The following PCDHAC2 variants were observed in gnomAD, a reference collection of about 807,000 sequenced individuals.
The protein encoded by PCDHAC2 is protocadherin alpha subfamily C, 2.
A neutral mutation model predicts 63.3 loss-of-function variants in PCDHAC2; 24 were observed. That is an observed-to-expected ratio of 0.38 (90% CI 0.27 to 0.53). The LOEUF (loss-of-function observed/expected upper bound fraction) is 0.53, where lower values mean the gene tolerates loss of function less well. Ranked by LOEUF, PCDHAC2 falls within the 20% of genes least tolerant of loss-of-function variation. The pLI is 0.81. For synonymous variants in PCDHAC2, 569 were observed against 529.4 expected (o/e 1.07, Z -1.03); for missense variants, 1,181 against 1,275.2 (o/e 0.93, Z 1.12).
Position 140,967,201 on chromosome 5 carries a change from A to T in PCDHAC2, c.435A>T (p.Ser145=). The T allele has an allele frequency of 6.2e-7, 1 of 1,613,620 alleles. No individual in the cohort carries two copies. The highest frequency in any genetic ancestry group is 8.5e-7 in the Non-Finnish European group (1 of 1,179,830). ...EVEILDINDN[S]PRFPRPNYQL... The stretch of plus-strand genomic sequence containing the variant: ...AAATATTGGACATCAACGACAACTC[A>T]CCGCGTTTCCCGCGGCCCAACTACC... The change falls in exon 1 of 4, where the codon TCA becomes TCT. Residue 145 remains serine (S), a synonymous_variant. Coordinates refer to ENST00000289269, the MANE Select transcript of PCDHAC2 (RefSeq NM_018899.6).
chr5:141,002,218 A>T (rs782352324), intron 3 of PCDHAC2, among the ~76,000 whole-genome samples: 124 of 152,272 alleles, frequency 8.1e-4, no homozygotes, highest in Admixed American at 3.6e-3. Context: ...AATCAAAATG[A>T]TGGGTTTTCT....
rs2097783097 is a variant in PCDHAC2, at chr5:140,997,727, C to T, written c.2714-11900C>T. Reference sequence around the variant, plus strand: ...TAACAAACACCTTTCTACGTCAGTACATATAGATTTGCCACAATCTTCTTG... The same window carrying T: ...TAACAAACACCTTTCTACGTCAGTATATATAGATTTGCCACAATCTTCTTG... On this transcript the variant is annotated intron_variant, in intron 3 of 3. Coordinates refer to ENST00000289269, the MANE Select transcript of PCDHAC2 (RefSeq NM_018899.6). Among the ~76,000 whole-genome samples the T allele has an allele frequency of 2.0e-5, 3 of 151,244 alleles. No individual in the cohort carries two copies. In the South Asian group the frequency reaches 6.3e-4, roughly 32 times the overall value.
chr5:141,006,769 A>G (rs575481848), intron 3 of PCDHAC2, among the ~76,000 whole-genome samples: 1 of 152,208 alleles, frequency 6.6e-6, no homozygotes, highest in Non-Finnish European at 1.5e-5. Flanking sequence ...AGAATAGAAT[A>G]GAGAAAAATG....
chr5:140,967,985 A>C lies in PCDHAC2; in HGVS notation c.1219A>C (p.Thr407Pro). 6.2e-7 allele frequency: 1 copy of C among 1,614,218 alleles called. No homozygotes were observed. The highest frequency in any genetic ancestry group is 8.5e-7 in the Non-Finnish European group (1 of 1,180,030). ...GAAAGTGAGCCTGGGTCTGGAGGCC[A>C]CACTGCCTTTCCGACTGAATGGCTT... ...NRKVSLGLEA[T>P]LPFRLNGFGN... The change falls in exon 1 of 4, where the codon ACA becomes CCA. Residue 407 changes from threonine to proline, a missense_variant. Transcript: ENST00000289269.
Position 140,966,877 on chromosome 5 carries a change from T to A in PCDHAC2, c.111T>A (p.Pro37=), listed in dbSNP as rs782616985. Residue 37 remains proline (P), a synonymous_variant, in exon 1 of 4, where the codon CCT becomes CCA. Transcript: ENST00000289269. ...TGCTGCTGTTGCTGCTGCTGCTACCTGGCCCTGCGGCCTCCCAGCTGCGAT... is the reference window on the plus strand; with the variant it reads ...TGCTGCTGTTGCTGCTGCTGCTACCAGGCCCTGCGGCCTCCCAGCTGCGAT... The part of the protein sequence containing the change: ...PLLLLLLLLL[P]GPAASQLRYS... The A allele has an allele frequency of 6.3e-7, 1 of 1,586,572 alleles. No homozygotes were observed. Among genetic ancestry groups the A allele is most frequent in the Admixed American group, 1.8e-5 (1 of 56,830 alleles).
At chr5:141,008,751 AG>A (rs1234240078) in intron 3 of PCDHAC2, among the ~76,000 whole-genome samples, 11 of 152,244 alleles carry the variant, frequency 7.2e-5, no homozygotes, top group African/African-American at 2.2e-4. Context: ...CACTGAGGGA[AG>A]GAATTTGGCT....
chr5:140,994,275 T>C (rs1296337913), intron 3 of PCDHAC2, among the ~76,000 whole-genome samples: 1 of 152,156 alleles, frequency 6.6e-6, no homozygotes, highest in African/African-American at 2.4e-5. Flanking sequence ...AGGCTGCCTT[T>C]CTTGAGACAG....
At position 140,966,546 on chromosome 5, in the gene PCDHAC2, C is replaced by G. The variant is rs549303882; in HGVS notation, c.-221C>G. The G allele has an allele frequency of 3.9e-5, 18 of 466,228 alleles. No individual in the cohort carries two copies. The Admixed American group carries it at 6.1e-4, about 16-fold the overall frequency. 28.9% of individuals were successfully genotyped at this position (466,228 alleles called of 1,614,324 possible). On this transcript the variant is annotated 5_prime_UTR_variant, in exon 1 of 4. Coordinates refer to ENST00000289269, the MANE Select transcript of PCDHAC2 (RefSeq NM_018899.6). ...CGAGCCGGGTTGAGCGACTCGGAGGCGAGCGGAGGAGCTGGAATATGGGGA... is the reference window on the plus strand; with the variant it reads ...CGAGCCGGGTTGAGCGACTCGGAGGGGAGCGGAGGAGCTGGAATATGGGGA...
chr5:140,970,912 T>C (rs1035265875), intron 1 of PCDHAC2, among the ~76,000 whole-genome samples: 3 of 152,212 alleles, frequency 2.0e-5, no homozygotes, highest in Non-Finnish European at 2.9e-5. Flanking sequence ...TTTATTCATT[T>C]ATCAGAAGTG....
At position 141,010,838 on chromosome 5, in the gene PCDHAC2, T is replaced by G. The variant is rs2154002200; in HGVS notation, c.*901T>G. 1.3e-5 allele frequency: 2 copies of G among 153,860 alleles called. No homozygotes were observed. The highest frequency in any genetic ancestry group is 2.9e-5 in the Non-Finnish European group (2 of 68,042). The allele number at this position is 153,860 out of a possible 1,614,324, so 9.5% of individuals were successfully genotyped here. On this transcript the variant is annotated 3_prime_UTR_variant, in exon 4 of 4. Coordinates refer to ENST00000289269, the MANE Select transcript of PCDHAC2 (RefSeq NM_018899.6). ...TTTCGCTGTTTGTTGTTTCATAGAT[T>G]TATTTAAAAAAAGAGAAAGTCTATA...
At chr5:140,969,933 C>T (rs2096370749) in intron 1 of PCDHAC2, among the ~76,000 whole-genome samples, 1 of 152,192 alleles carries the variant, frequency 6.6e-6, no homozygotes, top group South Asian at 2.1e-4. Context: ...ATTTAGACAT[C>T]ATACTGAAGC....
chr5:140,989,085 C>T (rs1481898269), intron 3 of PCDHAC2: 7 of 152,258 alleles, frequency 4.6e-5, no homozygotes, highest in Non-Finnish European at 7.4e-5. Context: ...CTCTGAAAAC[C>T]TTGTCAGGAG....
chr5:140,992,576 G>T (rs992150186), intron 3 of PCDHAC2, among the ~76,000 whole-genome samples: 4 of 152,172 alleles, frequency 2.6e-5, no homozygotes, highest in Admixed American at 2.0e-4. Flanking sequence ...CATATTGCCT[G>T]CCTTGTATGC....
chr5:140,997,995 T>C (rs573319923), intron 3 of PCDHAC2, among the ~76,000 whole-genome samples: 1 of 152,304 alleles, frequency 6.6e-6, no homozygotes, highest in East Asian at 1.9e-4. Flanking sequence ...CATACTTCCC[T>C]CTGAGCCTTC....
intron 3 of PCDHAC2, among the ~76,000 whole-genome samples, chr5:141,008,162 G>A (rs1280112352): frequency 6.6e-6 from 1 of 152,128 alleles, no homozygotes; most frequent in East Asian, 1.9e-4. Flanking sequence ...ATAAGATGAG[G>A]ACTAAAATGT....
chr5:141,010,034 A>G lies in PCDHAC2; in HGVS notation c.*97A>G. On this transcript the variant is annotated 3_prime_UTR_variant, in exon 4 of 4. Transcript: ENST00000289269. Reference sequence around the variant, plus strand: ...CCTGCTCCTTTTTCCTATCTACATGAGCCCTCTTAGAGACCTCAGAAATCT... The same window carrying G: ...CCTGCTCCTTTTTCCTATCTACATGGGCCCTCTTAGAGACCTCAGAAATCT... 6.3e-7 allele frequency: 1 copy of G among 1,582,208 alleles called. No individual in the cohort carries two copies.
At chr5:140,975,520 T>G (rs2153807475) in intron 1 of PCDHAC2, among the ~76,000 whole-genome samples, 1 of 152,342 alleles carries the variant, frequency 6.6e-6, no homozygotes, top group East Asian at 1.9e-4. Flanking sequence ...AAATCTGCAG[T>G]GGATATATTC....
chr5:141,010,199 T>G lies in PCDHAC2; in HGVS notation c.*262T>G. On this transcript the variant is annotated 3_prime_UTR_variant, in exon 4 of 4. Coordinates refer to ENST00000289269, the MANE Select transcript of PCDHAC2 (RefSeq NM_018899.6). Reference sequence around the variant, plus strand: ...AAGCAGACCCAAGTTTCCTTTCTCCTCCGCCGCAAAGGAGAGGCTTCCCAG... The same window carrying G: ...AAGCAGACCCAAGTTTCCTTTCTCCGCCGCCGCAAAGGAGAGGCTTCCCAG... The G allele has an allele frequency of 1.3e-6, 2 of 1,551,990 alleles. No homozygotes were observed. Among genetic ancestry groups the G allele is most frequent in the South Asian group, 1.2e-5 (1 of 84,106 alleles).
chr5:140,982,827 T>G (rs2097010165), intron 3 of PCDHAC2, among the ~76,000 whole-genome samples: 1 of 140,992 alleles, frequency 7.1e-6, no homozygotes, highest in Non-Finnish European at 1.6e-5. Flanking sequence ...TTTTTGGGGT[T>G]TGTTTGTTTG....
Sources: allele counts gnomAD v4.1 joint callset (sites outside exome capture counted in the v4.1 genomes callset), GRCh38; gene constraint gnomAD v4.1.1; transcripts MANE v1.5; gene names NCBI Gene and HGNC (gene_info 2026-07-23, HGNC 2026-07-21).